Variants in SDK1 observed in about 807,000 individuals in gnomAD.
SDK1 encodes sidekick cell adhesion molecule 1, also known as protein sidekick-1.
Under a neutral mutation model 245.5 loss-of-function variants are expected in SDK1, and 157 were observed. The observed-to-expected ratio is 0.64, with a 90% confidence interval of 0.56 to 0.73. SDK1 has a LOEUF of 0.73. Among genes scored for constraint, SDK1 ranks in the 30% least tolerant of loss-of-function variants. The pLI is 0.00. For synonymous variants in SDK1, 1,647 were observed against 1,278.5 expected (o/e 1.29, Z -6.15); for missense variants, 3,583 against 3,002.3 (o/e 1.19, Z -4.52).
intron 4 of SDK1, among the ~76,000 whole-genome samples, chr7:3,761,947 T>G (rs1184492414): frequency 6.6e-6 from 1 of 152,198 alleles, no homozygotes; most frequent in Admixed American, 6.5e-5. Flanking sequence ...AAATATTGTT[T>G]CCATATGACA....
chr7:3,950,257 A>T (rs959590429), intron 5 of SDK1, among the ~76,000 whole-genome samples: 3 of 152,090 alleles, frequency 2.0e-5, no homozygotes, highest in Non-Finnish European at 4.4e-5. Context: ...AGGGACAGTG[A>T]CCCTGCCCCA....
intron 1 of SDK1, among the ~76,000 whole-genome samples, chr7:3,515,674 C>T (rs1456177823): frequency 6.6e-6 from 1 of 152,144 alleles, no homozygotes; most frequent in Non-Finnish European, 1.5e-5. Flanking sequence ...ATTTCAGAAT[C>T]ATATAAGGAG....
chr7:3,328,631 T>C (rs2128550050), intron 1 of SDK1, among the ~76,000 whole-genome samples: 1 of 152,274 alleles, frequency 6.6e-6, no homozygotes, highest in South Asian at 2.1e-4. Context: ...TTGTGTATTT[T>C]TTTCATAAAA....
chr7:3,588,357 T>C (rs1334385319), intron 1 of SDK1, among the ~76,000 whole-genome samples: 2 of 152,250 alleles, frequency 1.3e-5, no homozygotes, highest in Admixed American at 6.5e-5. Context: ...CTTTTAGTTG[T>C]ATACTAATGA....
At chr7:4,256,212 A>C (rs1360257360) in intron 44 of SDK1, among the ~76,000 whole-genome samples, 3 of 152,152 alleles carry the variant, frequency 2.0e-5, no homozygotes, top group Non-Finnish European at 4.4e-5. Context: ...GAGCCACTGC[A>C]CCCAGCCTTC....
At chr7:4,172,415 A>G (rs1355345181) in intron 32 of SDK1, among the ~76,000 whole-genome samples, 2 of 152,144 alleles carry the variant, frequency 1.3e-5, no homozygotes, top group South Asian at 2.1e-4. Context: ...TATCCAAGCC[A>G]TTCTGTCGGA....
chr7:4,169,542 G>A (rs1018702836), intron 32 of SDK1, among the ~76,000 whole-genome samples: 6 of 152,214 alleles, frequency 3.9e-5, no homozygotes, highest in African/African-American at 1.4e-4. Context: ...CTTCCTGGCA[G>A]TGAGCTCGCC....
chr7:3,993,625 A>C (rs1784505830), intron 14 of SDK1, among the ~76,000 whole-genome samples: 1 of 152,208 alleles, frequency 6.6e-6, no homozygotes, highest in African/African-American at 2.4e-5. Context: ...AAAGAATAAA[A>C]ACGATCACTA....
intron 1 of SDK1, among the ~76,000 whole-genome samples, chr7:3,540,967 T>C (rs973169226): frequency 1.3e-5 from 2 of 152,184 alleles, no homozygotes; most frequent in Non-Finnish European, 2.9e-5. Flanking sequence ...TTCCAGGAAG[T>C]TTTATTTTAC....
chr7:4,265,025 G>A (rs1021113238), intron 44 of SDK1, 99 bp from the exon 45 acceptor site: 1 of 1,503,864 alleles, frequency 6.6e-7, no homozygotes, highest in East Asian at 2.5e-5. Context: ...CGCGACACAC[G>A]CCCCTGGGGA....
intron 17 of SDK1, among the ~76,000 whole-genome samples, chr7:4,040,900 C>T (rs1047291013): frequency 1.3e-5 from 2 of 152,144 alleles, no homozygotes; most frequent in African/African-American, 2.4e-5. Context: ...GCACAGCTGC[C>T]GGCATTCACC....
At chr7:3,771,059 G>A (rs748806858) in intron 4 of SDK1, among the ~76,000 whole-genome samples, 1 of 152,082 alleles carries the variant, frequency 6.6e-6, no homozygotes, top group Non-Finnish European at 1.5e-5. Context: ...TTGATGCTCA[G>A]CTGAAAGTCA....
chr7:3,490,646 T>G (rs569978714), intron 1 of SDK1, among the ~76,000 whole-genome samples: 1 of 152,322 alleles, frequency 6.6e-6, no homozygotes, highest in African/African-American at 2.4e-5. Flanking sequence ...CCTGCATGCT[T>G]AAACAGACTA....
chr7:4,034,860 C>T (rs1178376277), intron 17 of SDK1, among the ~76,000 whole-genome samples: 1 of 152,258 alleles, frequency 6.6e-6, no homozygotes, highest in East Asian at 1.9e-4. Flanking sequence ...AGGACGAATT[C>T]GAGAACTAGA....
chr7:3,325,437 A>G (rs987935173), intron 1 of SDK1, among the ~76,000 whole-genome samples: 2 of 152,186 alleles, frequency 1.3e-5, no homozygotes, highest in East Asian at 1.9e-4. Context: ...ACGAATACCA[A>G]TTTAAGGAGA....
At chr7:3,917,029 T>C (rs1336720107) in intron 5 of SDK1, among the ~76,000 whole-genome samples, 1 of 152,194 alleles carries the variant, frequency 6.6e-6, no homozygotes, top group East Asian at 1.9e-4. Flanking sequence ...GGCAAATCTT[T>C]TCCATCTAAA....
chr7:4,170,518 T>G (rs113724205), intron 32 of SDK1, among the ~76,000 whole-genome samples: 5 of 152,232 alleles, frequency 3.3e-5, no homozygotes, highest in African/African-American at 1.2e-4. Context: ...CAAGTGTGTG[T>G]GTGTTATGCA....
chr7:3,603,425 T>C (rs1781313240), intron 1 of SDK1, among the ~76,000 whole-genome samples: 2 of 151,450 alleles, frequency 1.3e-5, no homozygotes, highest in South Asian at 2.1e-4. Context: ...TTCCTAGGTA[T>C]TTTATTCTCT....
chr7:3,317,066 A>C (rs1779681250), intron 1 of SDK1, among the ~76,000 whole-genome samples: 1 of 150,776 alleles, frequency 6.6e-6, no homozygotes, highest in South Asian at 2.1e-4. Flanking sequence ...TTGTCGTCCC[A>C]GCTACTTGAG....
Sources: gnomAD v4.1 joint callset for allele counts (sites outside exome capture counted in the v4.1 genomes callset) on GRCh38, gnomAD v4.1.1 for gene constraint, MANE v1.5 for transcripts, NCBI Gene and HGNC (gene_info 2026-07-23, HGNC 2026-07-21) for gene names.